SCAPER: variants seen among roughly 807,000 people sequenced by gnomAD.
SCAPER encodes the protein S phase cyclin A-associated protein in the endoplasmic reticulum.
In SCAPER, 98 loss-of-function variants were observed where a neutral mutation model predicts 182.2. That is an observed-to-expected ratio of 0.54 (90% CI 0.46 to 0.64). The LOEUF (loss-of-function observed/expected upper bound fraction) is 0.64, where lower values mean the gene tolerates loss of function less well. SCAPER is among the 30% of genes least tolerant of loss of function. The probability of loss-of-function intolerance (pLI) is 0.00; values close to 1 mark genes in which losing one functional copy is unlikely to be tolerated. For synonymous variants in SCAPER, 605 were observed against 564.6 expected (o/e 1.07, Z -1.01); for missense variants, 1,432 against 1,690.0 (o/e 0.85, Z 2.68).
chr15:76,762,793 T>G (rs2062870333), intron 14 of SCAPER, among the ~76,000 whole-genome samples: 1 of 152,096 alleles, frequency 6.6e-6, no homozygotes, highest in South Asian at 2.1e-4. Context: ...GGACTACAGG[T>G]GCCTACCACC....
intron 4 of SCAPER, among the ~76,000 whole-genome samples, chr15:76,846,216 C>G (rs2070066586): frequency 1.3e-5 from 2 of 152,104 alleles, no homozygotes; most frequent in Non-Finnish European, 2.9e-5. Flanking sequence ...TGACTTAAAT[C>G]TAAGACCTCA....
intron 6 of SCAPER, among the ~76,000 whole-genome samples, chr15:76,801,282 T>C (rs185544343): frequency 6.6e-6 from 1 of 152,310 alleles, no homozygotes; most frequent in Non-Finnish European, 1.5e-5. Context: ...GCATTGGTGA[T>C]ACAACTATTT....
chr15:76,768,843 T>TAC (rs2063270712), intron 10 of SCAPER, among the ~76,000 whole-genome samples: 1 of 150,352 alleles, frequency 6.7e-6, no homozygotes, highest in Non-Finnish European at 1.5e-5. Context: ...AAAAAAAATA[T>TAC]ATATATACAT....
At chr15:76,592,132 A>T (rs1309690172) in intron 22 of SCAPER, among the ~76,000 whole-genome samples, 1 of 112,964 alleles carries the variant, frequency 8.9e-6, no homozygotes, top group Non-Finnish European at 1.9e-5. Context: ...TTATATATAT[A>T]GAGAGATATA....
chr15:76,464,652 G>A (rs2049457526), intron 25 of SCAPER, among the ~76,000 whole-genome samples: 1 of 152,122 alleles, frequency 6.6e-6, no homozygotes, highest in South Asian at 2.1e-4. Context: ...CTCATTTGTT[G>A]ATGAATATTT....
At chr15:76,434,006 C>A in intron 26 of SCAPER, 72 bp downstream of exon 26, 1 of 1,272,106 alleles carries the variant, frequency 7.9e-7, no homozygotes, top group South Asian at 1.5e-5. Context: ...ATCACATGGG[C>A]CTTGAGATTT....
At chr15:76,543,208 C>A (rs570359409) in intron 23 of SCAPER, among the ~76,000 whole-genome samples, 1 of 152,000 alleles carries the variant, frequency 6.6e-6, no homozygotes, top group Non-Finnish European at 1.5e-5. Flanking sequence ...GGAAACCATT[C>A]GCAACTATAT....
chr15:76,741,849 A>T (rs181307550), intron 15 of SCAPER, among the ~76,000 whole-genome samples: 3 of 152,260 alleles, frequency 2.0e-5, no homozygotes, highest in Non-Finnish European at 2.9e-5. Flanking sequence ...GTTCCACTCA[A>T]TACAAGCACC....
chr15:76,810,058 G>C (rs569345474), intron 5 of SCAPER, among the ~76,000 whole-genome samples: 2 of 152,168 alleles, frequency 1.3e-5, no homozygotes, highest in East Asian at 3.9e-4. Flanking sequence ...ACAAACAAAA[G>C]CTGACGGAGT....
intron 15 of SCAPER, among the ~76,000 whole-genome samples, chr15:76,743,739 A>C (rs1240258582): frequency 2.6e-5 from 4 of 152,158 alleles, no homozygotes; most frequent in Admixed American, 6.5e-5. Flanking sequence ...ATTTGATGCT[A>C]TCCTATCAAA....
chr15:76,747,693 G>C (rs1281609857), intron 15 of SCAPER, among the ~76,000 whole-genome samples: 1 of 151,998 alleles, frequency 6.6e-6, no homozygotes, highest in East Asian at 1.9e-4. Flanking sequence ...GTTTCCAAGA[G>C]TGTGGTACCT....
chr15:76,717,266 G>A (rs761007040), intron 17 of SCAPER, among the ~76,000 whole-genome samples: 1 of 151,722 alleles, frequency 6.6e-6, no homozygotes, highest in African/African-American at 2.4e-5. Context: ...ACTGACACTA[G>A]ACCTGTGTTA....
chr15:76,617,684 G>A (rs2051616876), intron 22 of SCAPER, among the ~76,000 whole-genome samples: 1 of 152,168 alleles, frequency 6.6e-6, no homozygotes, highest in Admixed American at 6.6e-5. Flanking sequence ...ATAAGAAAGT[G>A]AGGGCGAGAA....
At chr15:76,724,788 A>C (rs1205755422) in intron 17 of SCAPER, among the ~76,000 whole-genome samples, 1 of 152,044 alleles carries the variant, frequency 6.6e-6, no homozygotes, top group East Asian at 1.9e-4. Context: ...AGGTCCTTTA[A>C]GGACTTCTCT....
At chr15:76,652,359 C>T (rs1207387769) in intron 21 of SCAPER, among the ~76,000 whole-genome samples, 5 of 33,554 alleles carry the variant, frequency 1.5e-4, no homozygotes, top group African/African-American at 5.9e-4. Flanking sequence ...CACACACACA[C>T]ACACACACAC....
chr15:76,473,036 G>C (rs1037600024), intron 24 of SCAPER, among the ~76,000 whole-genome samples: 16 of 152,170 alleles, frequency 1.1e-4, no homozygotes, highest in African/African-American at 3.6e-4. Flanking sequence ...CCCCCAAAAA[G>C]AGTAGAGTTT....
At chr15:76,387,467 G>C (rs2043364405) in intron 27 of SCAPER, among the ~76,000 whole-genome samples, 1 of 152,144 alleles carries the variant, frequency 6.6e-6, no homozygotes, top group Admixed American at 6.5e-5. Flanking sequence ...AAATACACAA[G>C]CCCAAATTCA....
At chr15:76,506,298 G>A (rs909478283) in intron 23 of SCAPER, among the ~76,000 whole-genome samples, 4 of 151,982 alleles carry the variant, frequency 2.6e-5, no homozygotes, top group African/African-American at 9.7e-5. Context: ...AATGCTTTAG[G>A]TGATGGATAC....
chr15:76,784,018 T>C (rs971871320), intron 8 of SCAPER, among the ~76,000 whole-genome samples: 1 of 152,136 alleles, frequency 6.6e-6, no homozygotes. Flanking sequence ...CAACACAGTG[T>C]TGGAAGTTCT....
Sources: gnomAD v4.1 joint callset for allele counts (sites outside exome capture counted in the v4.1 genomes callset) on GRCh38, gnomAD v4.1.1 for gene constraint, MANE v1.5 for transcripts, NCBI Gene and HGNC (gene_info 2026-07-23, HGNC 2026-07-21) for gene names.